The following JAKMIP2 variants were observed in gnomAD, a reference collection of about 807,000 sequenced individuals.
The protein encoded by JAKMIP2 is janus kinase and microtubule-interacting protein 2.
Under a neutral mutation model 115.0 loss-of-function variants are expected in JAKMIP2, and 25 were observed. The ratio of observed to expected loss-of-function variants is 0.22; its 90% CI spans 0.16 to 0.30. JAKMIP2 has a LOEUF of 0.30. Among genes scored for constraint, JAKMIP2 ranks in the 10% least tolerant of loss-of-function variants. JAKMIP2 has a pLI of 1.00. For synonymous variants in JAKMIP2, 334 were observed against 343.6 expected (o/e 0.97, Z 0.31); for missense variants, 642 against 957.6 (o/e 0.67, Z 4.35).
chr5:147,673,632 C>G (rs920149879), intron 1 of JAKMIP2, among the ~76,000 whole-genome samples: 2 of 152,140 alleles, frequency 1.3e-5, no homozygotes, highest in Admixed American at 1.3e-4. Flanking sequence ...TTCACGCTTC[C>G]TTTGCAAATC....
At chr5:147,774,204 A>G (rs1755469651) in intron 1 of JAKMIP2, among the ~76,000 whole-genome samples, 1 of 152,178 alleles carries the variant, frequency 6.6e-6, no homozygotes, top group Admixed American at 6.5e-5. Flanking sequence ...TGGTCAAAAT[A>G]ATTCCTTCCT....
At chr5:147,615,445 G>A (rs568759525) in intron 19 of JAKMIP2, among the ~76,000 whole-genome samples, 57 of 152,234 alleles carry the variant, frequency 3.7e-4, no homozygotes, top group African/African-American at 1.3e-3. Context: ...GGAGAGGGAA[G>A]TATGCTCTGG....
intron 16 of JAKMIP2, among the ~76,000 whole-genome samples, chr5:147,627,298 G>A (rs1392982268): frequency 6.6e-6 from 1 of 152,148 alleles, no homozygotes; most frequent in Non-Finnish European, 1.5e-5. Context: ...TTATGGGGAA[G>A]TCTGATGCTC....
In JAKMIP2 at chr5:147,671,864, T is replaced by C. The variant is rs994933457; in HGVS notation, c.-58A>G. On this transcript the variant is annotated 5_prime_UTR_variant, in exon 2 of 22. It removes an upstream start codon present in the reference 5' UTR. Coordinates refer to ENST00000616793, the MANE Select transcript of JAKMIP2 (RefSeq NM_001270941.2). ...AATTTCTTTCAAGCAGGTGCTGCCA[T>C]GTTACTGTTTCTTATCCTGGAGTAC... 15 of 1,456,400 alleles carry C rather than the reference T, an allele frequency of 1.0e-5. No individual in the cohort carries two copies. The highest frequency in any genetic ancestry group is 2.6e-5 in the East Asian group (1 of 38,494). The allele number at this position is 1,456,400 out of a possible 1,614,324, so 90.2% of individuals were successfully genotyped here. A position where few individuals can be genotyped will look rare whatever the true frequency, so the allele number is the denominator to read the frequency against.
intron 14 of JAKMIP2, among the ~76,000 whole-genome samples, chr5:147,631,155 C>T (rs1275858504): frequency 1.3e-5 from 2 of 152,146 alleles, no homozygotes; most frequent in African/African-American, 2.4e-5. Flanking sequence ...TTTGATGCAG[C>T]GTCTTTCTTC....
rs1754843972 is a variant in JAKMIP2, at chr5:147,585,794, G to A, written c.*5913C>T. 6.6e-6 allele frequency: 1 copy of A among 152,076 alleles called. No individual in the cohort carries two copies. The highest frequency in any genetic ancestry group is 6.6e-5 in the Admixed American group (1 of 15,254). 9.4% of individuals were successfully genotyped at this position (152,076 alleles called of 1,614,324 possible). ...GCTACATTAACACAGTAAACACCTG[G>A]GGAATTATGTATTCAAACACATTAG... On this transcript the variant is annotated 3_prime_UTR_variant, in exon 22 of 22. Transcript: ENST00000616793.
chr5:147,706,145 T>C (rs1752551472), intron 1 of JAKMIP2, among the ~76,000 whole-genome samples: 1 of 152,164 alleles, frequency 6.6e-6, no homozygotes, highest in African/African-American at 2.4e-5. Context: ...CAGTGGAATA[T>C]CATGCAGATA....
intron 17 of JAKMIP2, among the ~76,000 whole-genome samples, chr5:147,621,681 T>C (rs1392198205): frequency 3.3e-5 from 5 of 152,210 alleles, no homozygotes; most frequent in African/African-American, 9.6e-5. Context: ...CAAACTGTTC[T>C]TTTTACATGC....
chr5:147,677,791 A>G (rs73270129), intron 1 of JAKMIP2, among the ~76,000 whole-genome samples: 1 of 152,174 alleles, frequency 6.6e-6, no homozygotes. Context: ...CAAGCAAATT[A>G]TCATATGCAT....
rs150558649 is a variant in JAKMIP2 at position 147,739,732 on chromosome 5, G to A, written c.-149+42724C>T. ...CCAGTGCTCCAACTTCAGTGAGGGA[G>A]ATAGAGGGTGAGAAAAAAGACAAGA... On this transcript the variant is annotated intron_variant, in intron 1 of 21. Coordinates refer to ENST00000616793, the MANE Select transcript of JAKMIP2 (RefSeq NM_001270941.2). 3.9e-3 allele frequency among the ~76,000 whole-genome samples: 590 copies of A among 152,266 alleles called. 1 individual carries two copies. The highest frequency in any genetic ancestry group is 5.9e-3 in the Non-Finnish European group (404 of 68,020).
At chr5:147,626,266 C>T (rs1425900623) in intron 16 of JAKMIP2, among the ~76,000 whole-genome samples, 1 of 152,200 alleles carries the variant, frequency 6.6e-6, no homozygotes, top group Non-Finnish European at 1.5e-5. Context: ...TCTTGTTCAT[C>T]TGGTTCCTAG....
intron 2 of JAKMIP2, among the ~76,000 whole-genome samples, chr5:147,667,882 T>C (rs569529457): frequency 1.3e-5 from 2 of 152,244 alleles, no homozygotes; most frequent in East Asian, 1.9e-4. Flanking sequence ...GAGAATGCCC[T>C]AGAGGCAATA....
chr5:147,642,318 A>C (rs1236426733), intron 7 of JAKMIP2, among the ~76,000 whole-genome samples: 1 of 152,114 alleles, frequency 6.6e-6, no homozygotes, highest in Non-Finnish European at 1.5e-5. Flanking sequence ...TTTTTAAAAA[A>C]TTTTCTGGGA....
At chr5:147,769,685 CT>C (rs201171068) in intron 1 of JAKMIP2, among the ~76,000 whole-genome samples, 3,709 of 127,662 alleles carry the variant, frequency 0.029, 77 homozygotes, top group South Asian at 0.083. Context: ...GAGACAAGAT[CT>C]TTTTTTTTTT....
intron 16 of JAKMIP2, among the ~76,000 whole-genome samples, chr5:147,625,364 G>A (rs1646924515): frequency 6.6e-6 from 1 of 152,134 alleles, no homozygotes; most frequent in Non-Finnish European, 1.5e-5. Flanking sequence ...TACTTACAAG[G>A]GGATACCATG....
intron 1 of JAKMIP2, among the ~76,000 whole-genome samples, chr5:147,778,567 G>A (rs1561590260): frequency 2.0e-5 from 3 of 151,844 alleles, no homozygotes; most frequent in African/African-American, 7.3e-5. Flanking sequence ...ACACAAATTT[G>A]GACAAGTCTA....
At chr5:147,736,715 T>C (rs1753938236) in intron 1 of JAKMIP2, among the ~76,000 whole-genome samples, 1 of 152,138 alleles carries the variant, frequency 6.6e-6, no homozygotes, top group South Asian at 2.1e-4. Flanking sequence ...GGTTTCAACA[T>C]ATAAATATTG....
chr5:147,627,417 T>G (rs938511059), intron 16 of JAKMIP2, among the ~76,000 whole-genome samples: 9 of 150,138 alleles, frequency 6.0e-5, no homozygotes, highest in African/African-American at 2.2e-4. Context: ...AGAGAGAGAA[T>G]GGAGGGAGAG....
At chr5:147,660,258 A>G (rs1758889567) in intron 3 of JAKMIP2, among the ~76,000 whole-genome samples, 2 of 152,298 alleles carry the variant, frequency 1.3e-5, no homozygotes, top group South Asian at 2.1e-4. Flanking sequence ...TTGGTCAAAC[A>G]TGTTAGAAGG....
Sources: allele counts gnomAD v4.1 joint callset (sites outside exome capture counted in the v4.1 genomes callset), GRCh38; gene constraint gnomAD v4.1.1; transcripts MANE v1.5; gene names NCBI Gene and HGNC (gene_info 2026-07-23, HGNC 2026-07-21).